Variants in REEP5 observed in about 807,000 individuals in gnomAD.
REEP5 encodes the protein receptor expression-enhancing protein 5.
REEP5 carries 24 observed loss-of-function variants against 22.4 expected under a neutral mutation model. That is an observed-to-expected ratio of 1.07 (90% CI 0.78 to 1.51). The LOEUF (loss-of-function observed/expected upper bound fraction) is 1.51. REEP5 is among the 40% of genes most tolerant of loss of function. REEP5 has a pLI of 0.00. For missense variants in REEP5, 252 were observed against 233.0 expected (o/e 1.08, Z -0.53); for synonymous variants, 103 against 88.6 (o/e 1.16, Z -0.92).
At chr5:112,912,669 C>G (rs1220053786) in intron 2 of REEP5, among the ~76,000 whole-genome samples, 2 of 151,950 alleles carry the variant, frequency 1.3e-5, no homozygotes, top group Admixed American at 1.3e-4. Flanking sequence ...GTTTATAATC[C>G]TTTTTGTTAT....
At chr5:112,886,444 C>A (rs1350966785) in intron 4 of REEP5, among the ~76,000 whole-genome samples, 1 of 152,164 alleles carries the variant, frequency 6.6e-6, no homozygotes, top group South Asian at 2.1e-4. Context: ...TTTCTCCTCC[C>A]GCTTTTTGGC....
At chr5:112,918,486 C>T (rs114250706) in intron 2 of REEP5, among the ~76,000 whole-genome samples, 2,220 of 152,306 alleles carry the variant, frequency 0.015, 31 homozygotes, top group Non-Finnish European at 0.023. Context: ...ACTGACACTA[C>T]TCCCCTTCTT....
At chr5:112,902,934 T>C (rs1768882237) in intron 2 of REEP5, among the ~76,000 whole-genome samples, 2 of 152,224 alleles carry the variant, frequency 1.3e-5, no homozygotes, top group Admixed American at 6.5e-5. Context: ...AGATATATCA[T>C]GGGTGAATAA....
chr5:112,878,897 T>G, intron 4 of REEP5, 62 bp from the exon 5 acceptor site: 1 of 1,612,922 alleles, frequency 6.2e-7, no homozygotes, highest in Non-Finnish European at 8.5e-7. Flanking sequence ...AATGCAAGCT[T>G]GCAAGCTTTG....
intron 3 of REEP5, 124 bp from the exon 4 acceptor site, chr5:112,887,307 C>G (rs1472188425): frequency 1.1e-6 from 1 of 882,642 alleles, no homozygotes. Context: ...AAAGGCATTA[C>G]CAGTGTTTTC....
intron 4 of REEP5, among the ~76,000 whole-genome samples, chr5:112,879,993 T>C (rs745729968): frequency 6.6e-6 from 1 of 151,796 alleles, no homozygotes; most frequent in Non-Finnish European, 1.5e-5. Context: ...GCTATATAAA[T>C]TGTTGTTATA....
At chr5:112,921,736 GC>G in intron 1 of REEP5, 1 of 235,480 alleles carries the variant, frequency 4.2e-6, no homozygotes, top group South Asian at 7.2e-5. Flanking sequence ...CAACGCGCCC[GC>G]CCGCAGGGGC....
At chr5:112,900,057 T>A (rs1319616048) in intron 3 of REEP5, among the ~76,000 whole-genome samples, 1 of 152,226 alleles carries the variant, frequency 6.6e-6, no homozygotes, top group Admixed American at 6.5e-5. Context: ...TTAAAATATC[T>A]GCCAGTTTAA....
intron 2 of REEP5, among the ~76,000 whole-genome samples, chr5:112,904,808 C>G (rs1176754928): frequency 6.6e-6 from 1 of 152,098 alleles, no homozygotes; most frequent in Non-Finnish European, 1.5e-5. Context: ...GGAAGCCTAA[C>G]AGTTCAGCTC....
rs1239489388 is a variant in REEP5 at position 112,922,195 on chromosome 5, G to GGGC, written c.-6_-5insGCC. 1.2e-6 allele frequency: 2 copies of GGGC among 1,603,226 alleles called. No homozygotes were observed. The highest frequency in any genetic ancestry group is 1.7e-6 in the Non-Finnish European group (2 of 1,174,994). On this transcript the variant is annotated 5_prime_UTR_variant, in exon 1 of 5. Transcript: ENST00000379638. ...CTCCCTCATGGCCGCAGACATGGCG[G>GGGC]GGACCGTCTCGCCGCTCGGGGCTGT...
At chr5:112,893,445 G>A (rs1580740373) in intron 3 of REEP5, 1 of 174,918 alleles carries the variant, frequency 5.7e-6, no homozygotes, top group East Asian at 1.6e-4. Flanking sequence ...GAACTACACA[G>A]CCTGCTTTCC....
At chr5:112,912,151 A>T (rs1243275407) in intron 2 of REEP5, among the ~76,000 whole-genome samples, 4 of 152,170 alleles carry the variant, frequency 2.6e-5, no homozygotes, top group African/African-American at 7.2e-5. Flanking sequence ...TTTACATATG[A>T]GAAAACTGAA....
intron 2 of REEP5, among the ~76,000 whole-genome samples, chr5:112,920,544 G>A (rs532488744): frequency 2.6e-5 from 4 of 152,210 alleles, no homozygotes; most frequent in South Asian, 2.1e-4. Flanking sequence ...GATCCTAATC[G>A]TAAAAATTCA....
chr5:112,912,373 T>C (rs1394676358), intron 2 of REEP5, among the ~76,000 whole-genome samples: 1 of 152,176 alleles, frequency 6.6e-6, no homozygotes, highest in East Asian at 1.9e-4. Context: ...TTCAAACCAG[T>C]TGTACCAATA....
chr5:112,913,383 G>A (rs1301626563), intron 2 of REEP5, among the ~76,000 whole-genome samples: 1 of 145,088 alleles, frequency 6.9e-6, no homozygotes, highest in Admixed American at 6.9e-5. Context: ...GAAAGAAAGA[G>A]AAAGAAAGAG....
At chr5:112,882,120 T>A (rs1192498115) in intron 4 of REEP5, 7 of 153,832 alleles carry the variant, frequency 4.6e-5, no homozygotes, top group Non-Finnish European at 4.4e-5. Context: ...TGTAGACATA[T>A]GTGATGATCT....
intron 3 of REEP5, among the ~76,000 whole-genome samples, chr5:112,891,246 T>G (rs1196502388): frequency 2.0e-5 from 3 of 152,168 alleles, no homozygotes; most frequent in South Asian, 2.1e-4. Context: ...CTAATTTTTT[T>G]ATTTTTAGTA....
chr5:112,892,436 A>G (rs2150039724), intron 3 of REEP5: 12 of 1,614,134 alleles, frequency 7.4e-6, no homozygotes, highest in Non-Finnish European at 1.0e-5. Context: ...GTCAGCTGCA[A>G]TTTGGAACCT....
At position 112,886,920 on chromosome 5, in the gene REEP5, T is replaced by C; in HGVS notation, c.520+95A>G. ...GTAATGTTGGCATTTGGCTGAGGGGTGGTGATAAGACAAGAAGGCCAGGAA... is the reference window on the plus strand; with the variant it reads ...GTAATGTTGGCATTTGGCTGAGGGGCGGTGATAAGACAAGAAGGCCAGGAA... On this transcript the variant is annotated intron_variant, in intron 4 of 4. Coordinates refer to ENST00000379638, the MANE Select transcript of REEP5 (RefSeq NM_005669.5). 3.5e-6 allele frequency: 3 copies of C among 853,884 alleles called. No homozygotes were observed. In the East Asian group the frequency reaches 7.6e-5, roughly 22 times the overall value. 52.9% of individuals were successfully genotyped at this position (853,884 alleles called of 1,614,324 possible).
Sources: gnomAD v4.1 joint callset for allele counts (sites outside exome capture counted in the v4.1 genomes callset) on GRCh38, gnomAD v4.1.1 for gene constraint, MANE v1.5 for transcripts, NCBI Gene and HGNC (gene_info 2026-07-23, HGNC 2026-07-21) for gene names.